KCNJ16: variants seen among roughly 807,000 people sequenced by gnomAD.
KCNJ16 encodes potassium inwardly rectifying channel subfamily J member 16.
In KCNJ16, 15 loss-of-function variants were observed where a neutral mutation model predicts 18.5. That is an observed-to-expected ratio of 0.81 (90% CI 0.54 to 1.25). The LOEUF (loss-of-function observed/expected upper bound fraction) is 1.25, where lower values mean the gene tolerates loss of function less well. Among genes scored for constraint, KCNJ16 ranks in the 50% most tolerant of loss-of-function variants. The probability of loss-of-function intolerance (pLI) is 0.00; values close to 1 mark genes in which losing one functional copy is unlikely to be tolerated. For missense variants in KCNJ16, 523 were observed against 525.7 expected (o/e 0.99, Z 0.05); for synonymous variants, 174 against 186.5 (o/e 0.93, Z 0.55).
At chr17:70,087,430 G>A (rs1359601566) in intron 1 of KCNJ16, among the ~76,000 whole-genome samples, 5 of 151,984 alleles carry the variant, frequency 3.3e-5, no homozygotes, top group Admixed American at 1.3e-4. Flanking sequence ...GGCCAGGCGC[G>A]GTAGCTCACA....
chr17:70,095,275 A>T (rs62081367), intron 1 of KCNJ16, among the ~76,000 whole-genome samples: 4 of 4,530 alleles, frequency 8.8e-4, no homozygotes, highest in African/African-American at 2.1e-3. Context: ...AGACAAAACA[A>T]CTTTGACCAT....
Position 70,134,731 on chromosome 17 carries a change from T to C in KCNJ16, c.*1387T>C, listed in dbSNP as rs2074171668. 1 of 166,936 alleles carries C rather than the reference T, an allele frequency of 6.0e-6. No homozygotes were observed. The allele number at this position is 166,936 out of a possible 1,614,324, so 10.3% of individuals were successfully genotyped here. ...CTGGCAATAAGTATGTGGCACTGTT[T>C]TTATTTGTTTATGTTATTTAAATAC... On this transcript the variant is annotated 3_prime_UTR_variant, in exon 4 of 4. Transcript: ENST00000392671.
In KCNJ16 at chr17:70,091,402, C is replaced by T. The variant is rs146239505; in HGVS notation, c.-299-9256C>T. ...TATACATCATAAATTTGCTAACAAC[C>T]AGCTACCCTCCTCCAACACAGTGCA... is the stretch of plus-strand genomic sequence containing the variant. On this transcript the variant is annotated intron_variant, in intron 1 of 3. Coordinates refer to ENST00000392671, the MANE Select transcript of KCNJ16 (RefSeq NM_170741.4). Among the ~76,000 whole-genome samples the T allele has an allele frequency of 4.6e-5, 7 of 152,294 alleles. No individual in the cohort carries two copies. The East Asian group carries it at 9.6e-4, about 21-fold the overall frequency.
chr17:70,113,232 T>C (rs76720282), intron 2 of KCNJ16, among the ~76,000 whole-genome samples: 2 of 152,304 alleles, frequency 1.3e-5, no homozygotes, highest in South Asian at 4.1e-4. Flanking sequence ...AGCATCTTTG[T>C]TCCTTAAATG....
chr17:70,082,480 G>C (rs901760895), intron 1 of KCNJ16, among the ~76,000 whole-genome samples: 1 of 152,148 alleles, frequency 6.6e-6, no homozygotes, highest in Non-Finnish European at 1.5e-5. Context: ...CTAGAGAGAG[G>C]AGAATTTAAT....
chr17:70,110,729 T>A (rs2073150712), intron 2 of KCNJ16, among the ~76,000 whole-genome samples: 1 of 152,182 alleles, frequency 6.6e-6, no homozygotes, highest in African/African-American at 2.4e-5. Flanking sequence ...AAAGGGTGTC[T>A]GAAGACAACA....
chr17:70,116,077 A>AT (rs1242466262), intron 2 of KCNJ16, among the ~76,000 whole-genome samples: 3 of 152,206 alleles, frequency 2.0e-5, no homozygotes, highest in Non-Finnish European at 4.4e-5. Flanking sequence ...TTTAGAGAAT[A>AT]TAAGTATGTG....
chr17:70,103,537 C>T (rs1025939527), intron 2 of KCNJ16, among the ~76,000 whole-genome samples: 4 of 151,770 alleles, frequency 2.6e-5, no homozygotes, highest in Non-Finnish European at 5.9e-5. Context: ...CTACTTCAAG[C>T]AATTCTTTTT....
rs1244931431 is a variant in KCNJ16 at position 70,132,404 on chromosome 17, C to T, written c.317C>T (p.Pro106Leu). The change falls in exon 4 of 4, where the codon CCA becomes CTA. Residue 106 changes from proline (P) to leucine (L), a missense_variant. Pro to Leu is a moderately conservative substitution (Grantham distance 98). Coordinates refer to ENST00000392671, the MANE Select transcript of KCNJ16 (RefSeq NM_170741.4). ...CATCATGGCGATCTATTAAATGATC[C>T]AGACATCACACCTTGTGTTGACAAC... ...AFHHGDLLND[P>L]DITPCVDNVH... The T allele has an allele frequency of 6.2e-7, 1 of 1,614,120 alleles. No homozygotes were observed. Among genetic ancestry groups the T allele is most frequent in the South Asian group, 1.1e-5 (1 of 91,072 alleles).
In KCNJ16 at chr17:70,110,473, T is replaced by C. The variant is rs537588379; in HGVS notation, c.-191+9707T>C. ...GAACCAGACTTACACACCTACACAC[T>C]TCGTGCGCGCACACACACACACACA... On this transcript the variant is annotated intron_variant, in intron 2 of 3. Coordinates refer to ENST00000392671, the MANE Select transcript of KCNJ16 (RefSeq NM_170741.4). Among the ~76,000 whole-genome samples, 4 of 127,560 alleles carry C rather than the reference T, an allele frequency of 3.1e-5. No individual in the cohort carries two copies. The South Asian group carries it at 9.1e-4, about 29-fold the overall frequency. The allele number at this position is 127,560 out of a possible 152,430, so 83.7% of individuals were successfully genotyped here.
At chr17:70,107,030 CA>C (rs2072964760) in intron 2 of KCNJ16, among the ~76,000 whole-genome samples, 3 of 152,142 alleles carry the variant, frequency 2.0e-5, no homozygotes, top group South Asian at 4.1e-4. Context: ...TCAGCCAAAG[CA>C]GAAGTTCCTA....
In KCNJ16 at chr17:70,122,597, T is replaced by C. The variant is rs2073687257; in HGVS notation, c.-190-8282T>C. ...GCAGAAGAAAACATTATTGGAAAGA[T>C]AACAGTTTGGCTTATAGCATCAAAT... is the stretch of plus-strand genomic sequence containing the variant. On this transcript the variant is annotated intron_variant, in intron 2 of 3. Transcript: ENST00000392671. Among the ~76,000 whole-genome samples the C allele has an allele frequency of 1.3e-5, 2 of 152,220 alleles. 1 individual carries two copies. The highest frequency in any genetic ancestry group is 4.1e-4 in the South Asian group (2 of 4,832).
chr17:70,123,681 T>C (rs530430439), intron 2 of KCNJ16, among the ~76,000 whole-genome samples: 2 of 152,052 alleles, frequency 1.3e-5, no homozygotes, highest in East Asian at 3.9e-4. Flanking sequence ...GGCTTACAGA[T>C]GCTGATTCCA....
rs1598195038 is a variant in KCNJ16 at position 70,133,524 on chromosome 17, A to C, written c.*180A>C. 2 of 558,372 alleles carry C rather than the reference A, an allele frequency of 3.6e-6. No homozygotes were observed. Among genetic ancestry groups the C allele is most frequent in the East Asian group, 5.9e-5 (2 of 33,900 alleles). The allele number at this position is 558,372 out of a possible 1,614,324, so 34.6% of individuals were successfully genotyped here. A position where few individuals can be genotyped will look rare whatever the true frequency, so the allele number is the denominator to read the frequency against. On this transcript the variant is annotated 3_prime_UTR_variant, in exon 4 of 4. Transcript: ENST00000392671. ...AAATTCCATAGTTCTCAGTTATTAAAATTTTTCTTGTTCGCCAATTTTGTA... is the reference window on the plus strand; with the variant it reads ...AAATTCCATAGTTCTCAGTTATTAACATTTTTCTTGTTCGCCAATTTTGTA...
chr17:70,121,009 A>C (rs2073615712), intron 2 of KCNJ16, among the ~76,000 whole-genome samples: 1 of 152,090 alleles, frequency 6.6e-6, no homozygotes, highest in African/African-American at 2.4e-5. Context: ...GGTATAAATG[A>C]TTTGGGGGAA....
At chr17:70,117,069 G>A (rs532116409) in intron 2 of KCNJ16, among the ~76,000 whole-genome samples, 3 of 152,188 alleles carry the variant, frequency 2.0e-5, no homozygotes, top group African/African-American at 4.8e-5. Context: ...CATCAATGGT[G>A]GACTGGATAA....
chr17:70,125,810 T>C (rs2073834144), intron 2 of KCNJ16, among the ~76,000 whole-genome samples: 1 of 152,024 alleles, frequency 6.6e-6, no homozygotes, highest in African/African-American at 2.4e-5. Flanking sequence ...CAGGCACTTG[T>C]AGTCTCAGCT....
chr17:70,125,338 T>C (rs1434161364), intron 2 of KCNJ16, among the ~76,000 whole-genome samples: 2 of 150,768 alleles, frequency 1.3e-5, no homozygotes, highest in East Asian at 3.9e-4. Context: ...GAGGAACTAG[T>C]GAAAGGACAG....
intron 1 of KCNJ16, among the ~76,000 whole-genome samples, chr17:70,089,620 A>C (rs937616257): frequency 5.3e-5 from 8 of 152,222 alleles, no homozygotes. Context: ...GCTGTAGTCT[A>C]TAACCCGAGG....
Sources: gnomAD v4.1 joint callset for allele counts (sites outside exome capture counted in the v4.1 genomes callset) on GRCh38, gnomAD v4.1.1 for gene constraint, MANE v1.5 for transcripts, NCBI Gene and HGNC (gene_info 2026-07-23, HGNC 2026-07-21) for gene names.